CDH23: variants seen among roughly 807,000 people sequenced by gnomAD.
CDH23 encodes cadherin related 23, also known as cadherin-23.
A neutral mutation model predicts 317.1 loss-of-function variants in CDH23; 189 were observed. That is an observed-to-expected ratio of 0.60 (90% CI 0.53 to 0.67). The LOEUF is 0.67. CDH23 is among the 30% of genes least tolerant of loss of function. The probability of loss-of-function intolerance (pLI) is 0.00; values close to 1 mark genes in which losing one functional copy is unlikely to be tolerated. For synonymous variants in CDH23, 1,839 were observed against 1,876.8 expected (o/e 0.98, Z 0.52); for missense variants, 4,401 against 4,592.4 (o/e 0.96, Z 1.20).
intron 17 of CDH23, among the ~76,000 whole-genome samples, chr10:71,682,067 G>T (rs1242150291): frequency 6.6e-6 from 1 of 151,768 alleles, no homozygotes; most frequent in Non-Finnish European, 1.5e-5. Context: ...CAGACAGACA[G>T]ACAAGCAGAC....
At chr10:71,742,393 G>A (rs1263606188) in intron 38 of CDH23, among the ~76,000 whole-genome samples, 1 of 152,214 alleles carries the variant, frequency 6.6e-6, no homozygotes, top group Non-Finnish European at 1.5e-5. Context: ...AACACGTCAG[G>A]GTGGGAAGGG....
chr10:71,791,391 G>A, intron 47 of CDH23, 56 bp downstream of exon 47: 1 of 1,478,840 alleles, frequency 6.8e-7, no homozygotes, highest in East Asian at 2.4e-5. Flanking sequence ...GGTGGTCACA[G>A]GGGACTGGAG....
chr10:71,701,579 C>T (rs1302812842), intron 22 of CDH23, among the ~76,000 whole-genome samples: 16 of 152,060 alleles, frequency 1.1e-4, no homozygotes, highest in Non-Finnish European at 2.9e-5. Context: ...CAGGGAGCTC[C>T]ACCCTCTCCT....
intron 16 of CDH23, 39 bp downstream of exon 16, chr10:71,677,732 T>G (rs1192703630): frequency 4.1e-6 from 6 of 1,472,510 alleles, no homozygotes; most frequent in Non-Finnish European, 5.6e-6. Flanking sequence ...GCCATTTATC[T>G]TAGCCTTCTC....
At chr10:71,535,670 C>T (rs924525254) in intron 6 of CDH23, among the ~76,000 whole-genome samples, 1 of 152,222 alleles carries the variant, frequency 6.6e-6, no homozygotes, top group Admixed American at 6.5e-5. Context: ...CCCAGGCCAG[C>T]GGCAACTGTC....
intron 11 of CDH23, among the ~76,000 whole-genome samples, chr10:71,628,751 T>C (rs540251533): frequency 6.6e-6 from 1 of 152,224 alleles, no homozygotes; most frequent in East Asian, 1.9e-4. Context: ...TCCTGCCTCA[T>C]CCTCCCAAAG....
intron 11 of CDH23, among the ~76,000 whole-genome samples, chr10:71,624,065 C>G (rs944657445): frequency 2.0e-5 from 3 of 152,224 alleles, no homozygotes; most frequent in Non-Finnish European, 2.9e-5. Flanking sequence ...TCCTAATGTT[C>G]TCTTCATCCA....
intron 1 of CDH23, among the ~76,000 whole-genome samples, chr10:71,400,861 GT>G (rs1027941175): frequency 6.6e-6 from 1 of 152,140 alleles, no homozygotes; most frequent in African/African-American, 2.4e-5. Flanking sequence ...AAGTCTCACT[GT>G]TTTCTTGAAC....
rs989228239 is a variant in CDH23, at chr10:71,781,722, G to A, written c.5368+2275G>A. On this transcript the variant is annotated intron_variant, in intron 41 of 69. Coordinates refer to ENST00000224721, the MANE Select transcript of CDH23 (RefSeq NM_022124.6). ...GCAGGCTCTCAAAGGAGTGAGAGAC[G>A]CCTAGGAGTTTCCTAAGGCTGACCT... 2.6e-5 allele frequency among the ~76,000 whole-genome samples: 4 copies of A among 152,300 alleles called. No homozygotes were observed. The South Asian group carries it at 8.3e-4, about 32-fold the overall frequency.
chr10:71,711,529 G>A (rs1328160847), intron 27 of CDH23, among the ~76,000 whole-genome samples: 1 of 152,116 alleles, frequency 6.6e-6, no homozygotes, highest in Non-Finnish European at 1.5e-5. Flanking sequence ...CTGGGGCTGA[G>A]TCAGTGCCCC....
intron 20 of CDH23, among the ~76,000 whole-genome samples, chr10:71,692,949 A>T (rs572536748): frequency 3.9e-5 from 6 of 152,242 alleles, no homozygotes; most frequent in Non-Finnish European, 5.9e-5. Context: ...ACGGCTCTGC[A>T]TGGAAGTCAC....
rs138475437 is a variant in CDH23, at chr10:71,770,637, C to A, written c.4846-7043C>A. Among the ~76,000 whole-genome samples, 103 of 152,314 alleles carry A rather than the reference C, an allele frequency of 6.8e-4. 1 individual carries two copies. Among genetic ancestry groups the A allele is most frequent in the African/African-American group, 1.8e-3 (75 of 41,562 alleles). On this transcript the variant is annotated intron_variant, in intron 38 of 69. Transcript: ENST00000224721. ...TTGGTATGTGGGGCTCGCTCACTGC[C>A]AACGGGTTCTCCTTGAGGATCCCTT... is the stretch of plus-strand genomic sequence containing the variant.
Position 71,615,537 on chromosome 10 carries a change from T to C in CDH23, c.866T>C (p.Ile289Thr), listed in dbSNP as rs751323046. The C allele has an allele frequency of 1.2e-6, 2 of 1,613,410 alleles. No homozygotes were observed. The highest frequency in any genetic ancestry group is 2.2e-5 in the South Asian group (2 of 91,058). The change falls in exon 10 of 70, where the codon ATC becomes ACC. Residue 289 changes from isoleucine (I) to threonine (T), a missense_variant. Ile to Thr is a moderately conservative substitution (Grantham distance 89). Transcript: ENST00000224721. ...NTNSIFALDYISGVLTLNGLL... is the reference protein window; with the variant it reads ...NTNSIFALDYTSGVLTLNGLL... ...AACAGCATCTTTGCCCTGGACTACA[T>C]CAGCGGAGTGCTGACCTTGAATGGC...
chr10:71,723,699 C>T (rs1211377619), intron 28 of CDH23, among the ~76,000 whole-genome samples: 4 of 152,230 alleles, frequency 2.6e-5, no homozygotes, highest in East Asian at 1.9e-4. Flanking sequence ...GAAAGGCTGC[C>T]GGGTAGGGAA....
chr10:71,617,379 G>A lies in CDH23; in HGVS notation c.1120G>A (p.Val374Met). 2 of 1,613,676 alleles carry A rather than the reference G, an allele frequency of 1.2e-6. No homozygotes were observed. Among genetic ancestry groups the A allele is most frequent in the African/African-American group, 1.3e-5 (1 of 75,016 alleles). The change falls in exon 11 of 70, where the codon GTG (valine) becomes ATG (methionine). Residue 374 changes from valine (V) to methionine (M), a missense_variant. This residue lies in a region of CDH23 where 3,068 missense variants were observed against 3,203.3 expected (regional missense o/e 0.96). Coordinates refer to ENST00000224721, the MANE Select transcript of CDH23 (RefSeq NM_022124.6). ...TGCCCTTCCACTCTTCATCCAGGTG[G>A]TGGACAAGGATGAGGTGAGTCCCTG... Reference protein sequence around the residue: ...GFALPLFIQVVDKDENLGLNS... With the variant: ...GFALPLFIQVMDKDENLGLNS...
chr10:71,548,404 C>T (rs983565187), intron 6 of CDH23, among the ~76,000 whole-genome samples: 6 of 152,072 alleles, frequency 3.9e-5, no homozygotes, highest in African/African-American at 9.7e-5. Flanking sequence ...CTGCCTCCAC[C>T]GAATACGTCT....
intron 38 of CDH23, among the ~76,000 whole-genome samples, chr10:71,770,375 A>G (rs1840659012): frequency 6.6e-6 from 1 of 152,246 alleles, no homozygotes; most frequent in Non-Finnish European, 1.5e-5. Flanking sequence ...GTAAATGGCC[A>G]TCTTGGGATT....
chr10:71,423,782 G>A (rs1481343733), intron 1 of CDH23, among the ~76,000 whole-genome samples: 1 of 152,174 alleles, frequency 6.6e-6, no homozygotes, highest in Non-Finnish European at 1.5e-5. Context: ...CTGCCTCCAA[G>A]GCCAGTGAAG....
intron 11 of CDH23, among the ~76,000 whole-genome samples, chr10:71,627,985 C>T (rs1861826080): frequency 6.6e-6 from 1 of 152,158 alleles, no homozygotes. Flanking sequence ...GCCAGTGAAC[C>T]CAGTTCACCC....
Sources: allele counts gnomAD v4.1 joint callset (sites outside exome capture counted in the v4.1 genomes callset), GRCh38; gene constraint gnomAD v4.1.1; regional missense constraint gnomAD v4.1.1; transcripts MANE v1.5; gene names NCBI Gene and HGNC (gene_info 2026-07-23, HGNC 2026-07-21).